FNDC3A: variants seen among roughly 807,000 people sequenced by gnomAD.
FNDC3A encodes the protein fibronectin type III domain containing 3A.
FNDC3A carries 32 observed loss-of-function variants against 148.9 expected under a neutral mutation model. The ratio of observed to expected loss-of-function variants is 0.21; its 90% CI spans 0.16 to 0.29. FNDC3A has a LOEUF of 0.29. Ranked by LOEUF, FNDC3A falls within the 10% of genes least tolerant of loss-of-function variation. The pLI is 1.00. For missense variants in FNDC3A, 1,191 were observed against 1,452.8 expected (o/e 0.82, Z 2.93); for synonymous variants, 472 against 473.6 (o/e 1.00, Z 0.04).
intron 3 of FNDC3A, among the ~76,000 whole-genome samples, chr13:49,098,087 C>T (rs920897753): frequency 6.6e-5 from 10 of 151,996 alleles, no homozygotes; most frequent in African/African-American, 2.4e-4. Context: ...TTTCTAAGGG[C>T]CCAGACCTTA....
chr13:49,018,789 G>T (rs1213590812), intron 2 of FNDC3A, among the ~76,000 whole-genome samples: 1 of 152,222 alleles, frequency 6.6e-6, no homozygotes, highest in Non-Finnish European at 1.5e-5. Context: ...TGGTGTGGAT[G>T]TCCTTTCTGT....
At chr13:49,196,445 A>G (rs549061627) in intron 19 of FNDC3A, among the ~76,000 whole-genome samples, 1 of 152,368 alleles carries the variant, frequency 6.6e-6, no homozygotes, top group South Asian at 2.1e-4. Flanking sequence ...ATAGAACAGA[A>G]TGTTGGTAAA....
chr13:49,174,585 T>C lies in FNDC3A; in HGVS notation c.1355+26T>C, dbSNP rs938929566. On this transcript the variant is annotated intron_variant, in intron 12 of 25. Transcript: ENST00000492622. ...GTAAGGTGTACTTTATAAAAGAATG[T>C]AAATATTTTTAGATTATCAAGTCAA... 1.9e-6 allele frequency: 3 copies of C among 1,566,976 alleles called. No individual in the cohort carries two copies. In the Admixed American group the frequency reaches 5.5e-5, roughly 29 times the overall value.
At chr13:49,032,590 G>A (rs1463673437) in intron 2 of FNDC3A, among the ~76,000 whole-genome samples, 3 of 152,150 alleles carry the variant, frequency 2.0e-5, no homozygotes, top group Non-Finnish European at 2.9e-5. Context: ...CAAAAAATTA[G>A]CCGGGTGTGG....
chr13:49,086,159 G>T (rs1878800156), intron 3 of FNDC3A, among the ~76,000 whole-genome samples: 1 of 152,228 alleles, frequency 6.6e-6, no homozygotes, highest in Admixed American at 6.5e-5. Context: ...TGGGATTACA[G>T]GCATGAGCCA....
chr13:49,197,222 T>TG (rs1886197832), intron 20 of FNDC3A, among the ~76,000 whole-genome samples: 1 of 152,240 alleles, frequency 6.6e-6, no homozygotes, highest in Admixed American at 6.5e-5. Context: ...TTTTTATGAA[T>TG]GGCTTTGTCT....
At chr13:49,023,785 A>C (rs1302174004) in intron 2 of FNDC3A, among the ~76,000 whole-genome samples, 1 of 151,950 alleles carries the variant, frequency 6.6e-6, no homozygotes, top group South Asian at 2.1e-4. Context: ...AAAAACAAAG[A>C]TGTTTCCCAC....
chr13:49,182,798 C>CT, intron 14 of FNDC3A, among the ~76,000 whole-genome samples: 1 of 152,188 alleles, frequency 6.6e-6, no homozygotes, highest in African/African-American at 2.4e-5. Context: ...TTCCTCTCAT[C>CT]TTATCTGGTG....
chr13:49,123,031 T>C (rs1365737197), intron 4 of FNDC3A, among the ~76,000 whole-genome samples: 1 of 151,962 alleles, frequency 6.6e-6, no homozygotes, highest in Non-Finnish European at 1.5e-5. Context: ...AAAGAGCCCA[T>C]ATAGCCAAAA....
At chr13:49,159,362 AT>A (rs1883939170) in intron 8 of FNDC3A, among the ~76,000 whole-genome samples, 1 of 151,890 alleles carries the variant, frequency 6.6e-6, no homozygotes, top group Non-Finnish European at 1.5e-5. Context: ...ATTCCTAGGT[AT>A]TTTATTCTCT....
intron 2 of FNDC3A, among the ~76,000 whole-genome samples, chr13:49,040,857 T>C (rs1371896261): frequency 6.6e-6 from 1 of 152,190 alleles, no homozygotes; most frequent in Non-Finnish European, 1.5e-5. Flanking sequence ...GTTTACAGGA[T>C]TTTTGTAGTC....
Position 48,989,601 on chromosome 13 carries a change from T to C in FNDC3A, c.-40+13424T>C, listed in dbSNP as rs920706858. ...ATCCAAAATGAAGCACAGAAGAAAA[T>C]AGAATTTGGAGACAATAACTGAAAA... On this transcript the variant is annotated intron_variant, in intron 1 of 25. Coordinates refer to ENST00000492622, the MANE Select transcript of FNDC3A (RefSeq NM_001079673.2). Among the ~76,000 whole-genome samples the C allele has an allele frequency of 3.3e-5, 5 of 152,052 alleles. No individual in the cohort carries two copies. In the East Asian group the frequency reaches 9.6e-4, roughly 29 times the overall value.
chr13:49,001,940 C>G (rs1482123244), intron 1 of FNDC3A, among the ~76,000 whole-genome samples: 1 of 152,128 alleles, frequency 6.6e-6, no homozygotes, highest in Admixed American at 6.5e-5. Flanking sequence ...TTGTACGCTC[C>G]CTCCCCTTTT....
chr13:49,168,700 T>C lies in FNDC3A; in HGVS notation c.1125T>C (p.Asn375=). 2 of 1,613,470 alleles carry C rather than the reference T, an allele frequency of 1.2e-6. No homozygotes were observed. Among genetic ancestry groups the C allele is most frequent in the Non-Finnish European group, 8.5e-7 (1 of 1,179,492 alleles). ...TGAGCTGTGAACCTGATATACCTAA[T>C]CCACCAAGGATAGCCAATCGGACCA... is the stretch of plus-strand genomic sequence containing the variant. The part of the protein sequence containing the change: ...TTLSCEPDIP[N]PPRIANRTKN... The change falls in exon 10 of 26, where the codon AAT becomes AAC. Residue 375 remains asparagine (N), a synonymous_variant. Transcript: ENST00000492622.
intron 1 of FNDC3A, among the ~76,000 whole-genome samples, chr13:49,000,322 T>G (rs1387830243): frequency 2.6e-5 from 4 of 152,250 alleles, no homozygotes; most frequent in Non-Finnish European, 4.4e-5. Context: ...CATACATCAT[T>G]TGTTGAAGAG....
rs186941100 is a variant in FNDC3A at position 49,184,358 on chromosome 13, T to G, written c.1618-1606T>G. ...TAGTTGGGGGTCAAGGGCAAGAATGTACACTGGGAAACTAGCTAGTGGTAT... is the reference window on the plus strand; with the variant it reads ...TAGTTGGGGGTCAAGGGCAAGAATGGACACTGGGAAACTAGCTAGTGGTAT... On this transcript the variant is annotated intron_variant, in intron 14 of 25. Transcript: ENST00000492622. Among the ~76,000 whole-genome samples, 199 of 152,290 alleles carry G rather than the reference T, an allele frequency of 1.3e-3. 1 individual carries two copies. The highest frequency in any genetic ancestry group is 4.6e-3 in the African/African-American group (191 of 41,552).
intron 4 of FNDC3A, among the ~76,000 whole-genome samples, chr13:49,122,637 A>G (rs1881429035): frequency 6.6e-6 from 1 of 152,210 alleles, no homozygotes; most frequent in Non-Finnish European, 1.5e-5. Context: ...GCAGATAAAC[A>G]ACTTCAGCAA....
chr13:49,178,468 G>A, intron 13 of FNDC3A, 100 bp from the exon 14 acceptor site: 1 of 731,002 alleles, frequency 1.4e-6, no homozygotes, highest in Non-Finnish European at 2.4e-6. Flanking sequence ...ATTGCACATA[G>A]TAGAAGATGA....
At position 49,166,744 on chromosome 13, in the gene FNDC3A, TC is replaced by T. The variant is rs750358239; in HGVS notation, c.978-498del. The stretch of plus-strand genomic sequence containing the variant: ...CCGAGCAGGCTTACTTCCTTCTCCT[TC>T]CTTGTTTTACATGTTTCCAGTTTAA... On this transcript the variant is annotated intron_variant, in intron 8 of 25. Coordinates refer to ENST00000492622, the MANE Select transcript of FNDC3A (RefSeq NM_001079673.2). Among the ~76,000 whole-genome samples, 9 of 152,318 alleles carry T rather than the reference TC, an allele frequency of 5.9e-5. No individual in the cohort carries two copies. In the East Asian group the frequency reaches 1.3e-3, roughly 23 times the overall value.
Sources: allele counts gnomAD v4.1 joint callset (sites outside exome capture counted in the v4.1 genomes callset), GRCh38; gene constraint gnomAD v4.1.1; transcripts MANE v1.5; gene names NCBI Gene and HGNC (gene_info 2026-07-23, HGNC 2026-07-21).